The following CNIH3 variants were observed in gnomAD, a reference collection of about 807,000 sequenced individuals.
CNIH3 encodes protein cornichon homolog 3.
In CNIH3, 14 loss-of-function variants were observed where a neutral mutation model predicts 24.1. That is an observed-to-expected ratio of 0.58 (90% CI 0.38 to 0.91). The LOEUF (loss-of-function observed/expected upper bound fraction) is 0.91, where lower values mean the gene tolerates loss of function less well. CNIH3 is among the 40% of genes least tolerant of loss of function. The pLI is 0.00. For synonymous variants in CNIH3, 68 were observed against 73.8 expected (o/e 0.92, Z 0.40); for missense variants, 178 against 196.8 (o/e 0.90, Z 0.57).
chr1:224,539,673 C>T (rs541437101), downstream of CNIH3, among the ~76,000 whole-genome samples: 1 of 152,226 alleles, frequency 6.6e-6, no homozygotes, highest in Admixed American at 6.5e-5. Flanking sequence ...ACTACTTGCC[C>T]TTCACTAAAT....
At chr1:224,454,257 GT>G (rs11374306) in intron 1 of CNIH3, 24,095 of 746,108 alleles carry the variant, frequency 0.032, 1,502 homozygotes, top group African/African-American at 0.29. Flanking sequence ...CTACTAGTAA[GT>G]TTTTTTTTTT....
intron 5 of CNIH3, chr1:224,587,125 A>G (rs1681544422): frequency 6.6e-6 from 1 of 152,262 alleles, no homozygotes; most frequent in Non-Finnish European, 1.5e-5. Context: ...CTGGTTGCCT[A>G]TACCCACGTG....
At chr1:224,457,089 C>T (rs548301164) in intron 1 of CNIH3, among the ~76,000 whole-genome samples, 4 of 152,192 alleles carry the variant, frequency 2.6e-5, no homozygotes, top group East Asian at 1.9e-4. Context: ...GCATGGAGGT[C>T]GAATGTTTCT....
At chr1:224,443,676 T>C (rs1002249773) in intron 1 of CNIH3, among the ~76,000 whole-genome samples, 4 of 142,666 alleles carry the variant, frequency 2.8e-5, no homozygotes, top group Non-Finnish European at 6.1e-5. Context: ...GATAGATAGA[T>C]AGATAGATAT....
chr1:224,597,170 C>CA (rs1481620006), intron 3 of CNIH3, among the ~76,000 whole-genome samples: 2 of 126,426 alleles, frequency 1.6e-5, no homozygotes, highest in Admixed American at 8.5e-5. Context: ...AACAAACAAA[C>CA]AAACAAAAAA....
At chr1:224,653,683 A>T (rs1336625892) in intron 1 of CNIH3, among the ~76,000 whole-genome samples, 1 of 152,198 alleles carries the variant, frequency 6.6e-6, no homozygotes, top group African/African-American at 2.4e-5. Context: ...AACTCAATAT[A>T]AATTCTCAGT....
intron 1 of CNIH3, among the ~76,000 whole-genome samples, chr1:224,464,485 T>G (rs1676073748): frequency 6.6e-6 from 1 of 152,220 alleles, no homozygotes. Flanking sequence ...TTTAAGCTAA[T>G]TTTTATGTAT....
chr1:224,685,532 A>G (rs932697717), intron 3 of CNIH3, among the ~76,000 whole-genome samples: 15 of 152,226 alleles, frequency 9.9e-5, no homozygotes, highest in Admixed American at 7.9e-4. Flanking sequence ...GAGAACGGCA[A>G]CTTGCCGGTA....
At chr1:224,572,829 C>A (rs1376875037) in intron 4 of CNIH3, among the ~76,000 whole-genome samples, 1 of 152,036 alleles carries the variant, frequency 6.6e-6, no homozygotes, top group Non-Finnish European at 1.5e-5. Context: ...AAGTCTTTTG[C>A]TTCCTTGGTT....
chr1:224,732,180 T>C (rs758327664), intron 4 of CNIH3, among the ~76,000 whole-genome samples: 14 of 151,812 alleles, frequency 9.2e-5, no homozygotes, highest in Non-Finnish European at 8.8e-5. Context: ...TTGACCCAGG[T>C]GGTGGGAGTC....
At chr1:224,439,073 G>A (rs990212521) in intron 1 of CNIH3, among the ~76,000 whole-genome samples, 8 of 152,102 alleles carry the variant, frequency 5.3e-5, no homozygotes, top group East Asian at 1.9e-4. Context: ...CTGGGCAGAC[G>A]ACTCTGAACA....
intron 1 of CNIH3, among the ~76,000 whole-genome samples, chr1:224,471,168 A>G (rs1047893285): frequency 1.3e-5 from 2 of 151,786 alleles, no homozygotes; most frequent in African/African-American, 2.4e-5. Flanking sequence ...CCTCCCGGGT[A>G]GCTGGGACTA....
intron 1 of CNIH3, among the ~76,000 whole-genome samples, chr1:224,455,304 T>C (rs907902378): frequency 6.6e-6 from 1 of 152,152 alleles, no homozygotes; most frequent in Non-Finnish European, 1.5e-5. Context: ...TCAGGGACCA[T>C]CTGTATTTGA....
Position 224,701,068 on chromosome 1 carries a change from G to T in CNIH3, c.198+16225G>T, listed in dbSNP as rs1230853045. Among the ~76,000 whole-genome samples, 3 of 152,212 alleles carry T rather than the reference G, an allele frequency of 2.0e-5. No individual in the cohort carries two copies. In the East Asian group the frequency reaches 5.8e-4, roughly 29 times the overall value. On this transcript the variant is annotated intron_variant, in intron 3 of 5. Coordinates refer to ENST00000272133, the MANE Select transcript of CNIH3 (RefSeq NM_152495.2). Reference sequence around the variant, plus strand: ...TTGACCCATGCTGGGGCTGAAGGAAGTGATGAAGGGCCCTGACCACCCATG... The same window carrying T: ...TTGACCCATGCTGGGGCTGAAGGAATTGATGAAGGGCCCTGACCACCCATG...
At chr1:224,507,035 T>C (rs889447541) in intron 1 of CNIH3, among the ~76,000 whole-genome samples, 4 of 152,102 alleles carry the variant, frequency 2.6e-5, no homozygotes, top group Non-Finnish European at 4.4e-5. Context: ...GGCTAATTTT[T>C]GTATTTTTTT....
intron 4 of CNIH3, among the ~76,000 whole-genome samples, chr1:224,578,179 A>C (rs1681117994): frequency 6.6e-6 from 1 of 152,230 alleles, no homozygotes; most frequent in African/African-American, 2.4e-5. Flanking sequence ...AAAAATTAAA[A>C]AAATAAAAAC....
At position 224,501,380 on chromosome 1, in the gene CNIH3, C is replaced by T. The variant is rs527297017; in HGVS notation, n.204-14361C>T. Among the ~76,000 whole-genome samples the T allele has an allele frequency of 3.3e-5, 5 of 152,130 alleles. No homozygotes were observed. In the East Asian group the frequency reaches 9.7e-4, roughly 29 times the overall value. On this transcript the variant is annotated intron_variant and non_coding_transcript_variant, in intron 1 of 5. Transcript: ENST00000471578. ...ATTTAATCTCATTTAATCTTGACAA[C>T]AGCACCATGAGGCAGATACTATTAT...
chr1:224,698,950 C>A (rs1485805862), intron 3 of CNIH3, among the ~76,000 whole-genome samples: 2 of 152,016 alleles, frequency 1.3e-5, no homozygotes, highest in Non-Finnish European at 2.9e-5. Context: ...CTTGTTCTTA[C>A]CACACTGCTG....
chr1:224,467,092 C>G (rs1001884899), intron 1 of CNIH3, among the ~76,000 whole-genome samples: 1 of 152,184 alleles, frequency 6.6e-6, no homozygotes, highest in Non-Finnish European at 1.5e-5. Context: ...GTGGTGTGAT[C>G]ATGGCTCATT....
Sources: allele counts gnomAD v4.1 joint callset (sites outside exome capture counted in the v4.1 genomes callset), GRCh38; gene constraint gnomAD v4.1.1; transcripts MANE v1.5; gene names NCBI Gene and HGNC (gene_info 2026-07-23, HGNC 2026-07-21).